The following DAB1 variants were observed in gnomAD, a reference collection of about 807,000 sequenced individuals.
DAB1 encodes the protein disabled homolog 1.
DAB1 carries 15 observed loss-of-function variants against 64.6 expected under a neutral mutation model. The observed-to-expected ratio is 0.23, with a 90% CI of 0.16 to 0.36. The LOEUF is 0.36. Ranked by LOEUF, DAB1 falls within the 10% of genes least tolerant of loss-of-function variation. The pLI is 1.00. For missense variants in DAB1, 596 were observed against 706.7 expected (o/e 0.84, Z 1.78); for synonymous variants, 235 against 251.9 (o/e 0.93, Z 0.64).
At chr1:58,164,613 A>AAT (rs1396346337) in intron 4 of DAB1, among the ~76,000 whole-genome samples, 26 of 152,336 alleles carry the variant, frequency 1.7e-4, no homozygotes, top group African/African-American at 5.0e-4. Context: ...ATGAAGGAAA[A>AAT]ATTGATGTGA....
intron 1 of DAB1, among the ~76,000 whole-genome samples, chr1:57,306,091 G>A (rs964513638): frequency 2.0e-5 from 3 of 152,118 alleles, no homozygotes; most frequent in African/African-American, 7.2e-5. Flanking sequence ...TACAATCTGG[G>A]AAGGTAAGTA....
intron 2 of DAB1, among the ~76,000 whole-genome samples, chr1:57,219,918 A>G (rs1666728535): frequency 6.6e-6 from 1 of 152,188 alleles, no homozygotes; most frequent in Non-Finnish European, 1.5e-5. Flanking sequence ...CCCCTGACCC[A>G]TGGAAACTGT....
chr1:57,836,504 T>G (rs773294741), intron 1 of DAB1, among the ~76,000 whole-genome samples: 3 of 152,218 alleles, frequency 2.0e-5, no homozygotes, highest in Non-Finnish European at 4.4e-5. Context: ...AAAGCTTCTA[T>G]GCTCACTCTT....
At chr1:57,593,240 A>AT (rs1366627464) in intron 7 of DAB1, among the ~76,000 whole-genome samples, 1 of 152,220 alleles carries the variant, frequency 6.6e-6, no homozygotes, top group Non-Finnish European at 1.5e-5. Flanking sequence ...GGTACTTCAT[A>AT]TAAGTGGAAT....
At chr1:57,727,209 A>G (rs892547665) in intron 6 of DAB1, among the ~76,000 whole-genome samples, 5 of 152,192 alleles carry the variant, frequency 3.3e-5, no homozygotes, top group Non-Finnish European at 7.3e-5. Context: ...CTCACACTAA[A>G]ATTAAGCTAT....
intron 1 of DAB1, among the ~76,000 whole-genome samples, chr1:57,329,700 C>G (rs185530648): frequency 1.3e-5 from 2 of 149,302 alleles, no homozygotes. Context: ...CAAAAACATA[C>G]CCATAGATAC....
intron 7 of DAB1, among the ~76,000 whole-genome samples, chr1:57,517,197 T>C (rs1558453477): frequency 6.6e-6 from 1 of 152,176 alleles, no homozygotes; most frequent in Non-Finnish European, 1.5e-5. Context: ...GGTCTTGCTC[T>C]GTTGCCCAGG....
intron 4 of DAB1, among the ~76,000 whole-genome samples, chr1:58,219,318 G>A (rs1659034706): frequency 6.6e-6 from 1 of 152,150 alleles, no homozygotes; most frequent in Admixed American, 6.5e-5. Flanking sequence ...ATATAGAAAA[G>A]CAGGCAGCTA....
At chr1:57,535,039 T>C (rs2793625) in intron 7 of DAB1, among the ~76,000 whole-genome samples, 35,410 of 152,054 alleles carry the variant, frequency 0.23, 4,353 homozygotes, top group South Asian at 0.4. Context: ...GCTAGCTCCT[T>C]TATATCCTCA....
intron 4 of DAB1, among the ~76,000 whole-genome samples, chr1:58,300,282 A>C (rs1569618870): frequency 1.3e-5 from 2 of 152,212 alleles, no homozygotes; most frequent in East Asian, 3.9e-4. Context: ...GCAGTGGCTT[A>C]TGCCTGTAAT....
Position 57,984,239 on chromosome 1 carries a change from AGAAAGAAAGAAAG to A in DAB1, n.388-100090_388-100078del. ...AAGAAAGAAAGAAAGAAAGAAAGAAAGAAAGAAAGAAAGAAAGAAAGAAAAAAAATTAAACAGC... is the reference window on the plus strand; with the variant it reads ...AAGAAAGAAAGAAAGAAAGAAAGAAAAAAGAAAGAAAAAAAATTAAACAGC... On this transcript the variant is annotated intron_variant and non_coding_transcript_variant, in intron 5 of 20. Transcript: ENST00000485760. 1.3e-5 allele frequency among the ~76,000 whole-genome samples: 2 copies of A among 150,658 alleles called. 1 individual carries two copies. Among genetic ancestry groups the A allele is most frequent in the South Asian group, 4.2e-4 (2 of 4,712 alleles).
At chr1:57,553,982 A>T (rs552829035) in intron 7 of DAB1, among the ~76,000 whole-genome samples, 1 of 152,324 alleles carries the variant, frequency 6.6e-6, no homozygotes, top group East Asian at 1.9e-4. Flanking sequence ...GGAGGCAGAT[A>T]TGCAAAGGGA....
intron 3 of DAB1, among the ~76,000 whole-genome samples, chr1:58,479,354 C>T (rs567488542): frequency 2.6e-5 from 4 of 152,222 alleles, no homozygotes; most frequent in South Asian, 2.1e-4. Context: ...AATGTTGTCT[C>T]GTGTGCAGAT....
At chr1:58,543,595 A>T (rs1428165698) in intron 1 of DAB1, among the ~76,000 whole-genome samples, 1 of 152,170 alleles carries the variant, frequency 6.6e-6, no homozygotes, top group Non-Finnish European at 1.5e-5. Flanking sequence ...ATTATTTCTA[A>T]AATGCAAACC....
chr1:57,552,016 C>T (rs537035675), intron 7 of DAB1, among the ~76,000 whole-genome samples: 31 of 152,318 alleles, frequency 2.0e-4, no homozygotes, highest in Non-Finnish European at 7.4e-5. Flanking sequence ...AGAAGATTCA[C>T]TCCCTTTCCA....
intron 4 of DAB1, among the ~76,000 whole-genome samples, chr1:58,246,127 T>G (rs1247804811): frequency 7.9e-4 from 1 of 1,266 alleles, no homozygotes; most frequent in Admixed American, 0.012. Flanking sequence ...ATCAGAATTG[T>G]TAACAAAAAT....
At position 57,329,036 on chromosome 1, in the gene DAB1, CT is replaced by C. The variant is rs1262927167; in HGVS notation, c.-136-37871del. Among the ~76,000 whole-genome samples, 7 of 152,284 alleles carry C rather than the reference CT, an allele frequency of 4.6e-5. No homozygotes were observed. In the South Asian group the frequency reaches 1.5e-3, roughly 32 times the overall value. The stretch of plus-strand genomic sequence containing the variant: ...AAGAAAAAATCCCAGCCTGATCTTC[CT>C]GCATTAGAAAATACCTGTCATTCCC... On this transcript the variant is annotated intron_variant, in intron 1 of 14. Coordinates refer to ENST00000371236, the MANE Select transcript of DAB1 (RefSeq NM_001365792.1).
chr1:58,468,765 C>T (rs1277495829), intron 3 of DAB1: 1 of 153,318 alleles, frequency 6.5e-6, no homozygotes, highest in Non-Finnish European at 1.4e-5. Context: ...ATGCAATAGT[C>T]ATCCATGACA....
chr1:58,032,039 T>TGTGTGTGTGTGTG (rs1646979773), intron 5 of DAB1, among the ~76,000 whole-genome samples: 2 of 142,770 alleles, frequency 1.4e-5, no homozygotes, highest in African/African-American at 5.3e-5. Flanking sequence ...TGTGTGTGTG[T>TGTGTGTGTGTGTG]TTAATCTGAC....
Sources: gnomAD v4.1 joint callset for allele counts (sites outside exome capture counted in the v4.1 genomes callset) on GRCh38, gnomAD v4.1.1 for gene constraint, MANE v1.5 for transcripts, NCBI Gene and HGNC (gene_info 2026-07-23, HGNC 2026-07-21) for gene names.